DCX: variants seen among roughly 807,000 people sequenced by gnomAD.
The protein encoded by DCX is doublecortin.
Under a neutral mutation model 20.9 loss-of-function variants are expected in DCX, and 4 were observed. The ratio of observed to expected loss-of-function variants is 0.19; its 90% confidence interval spans 0.09 to 0.44. The LOEUF (loss-of-function observed/expected upper bound fraction) is 0.44. DCX is among the 20% of genes least tolerant of loss of function. The probability of loss-of-function intolerance (pLI) is 0.99; values close to 1 mark genes in which losing one functional copy is unlikely to be tolerated. For synonymous variants in DCX, 103 were observed against 111.4 expected (o/e 0.92, Z 0.47); for missense variants, 133 against 296.9 (o/e 0.45, Z 4.06).
intron 3 of DCX, among the ~76,000 whole-genome samples, chrX:111,353,700 A>G (rs1363532862): frequency 2.7e-5 from 3 of 111,509 alleles, no homozygotes; most frequent in African/African-American, 9.8e-5. Flanking sequence ...GTCTTAATTC[A>G]TTCACTTACT....
intron 6 of DCX, among the ~76,000 whole-genome samples, chrX:111,310,873 C>A (rs1171956710): frequency 3.6e-5 from 4 of 112,073 alleles, no homozygotes; most frequent in African/African-American, 1.3e-4. Flanking sequence ...AACAACTCAC[C>A]TTGGTGGGCT....
intron 3 of DCX, among the ~76,000 whole-genome samples, chrX:111,362,018 T>C (rs1924249843): frequency 9.0e-6 from 1 of 111,652 alleles, no homozygotes; most frequent in African/African-American, 3.3e-5. Context: ...ATCAGGATCC[T>C]GGGTCATATG....
intron 3 of DCX, among the ~76,000 whole-genome samples, chrX:111,343,275 C>T (rs888039392): frequency 1.8e-5 from 2 of 109,803 alleles, no homozygotes. Context: ...AAACTATCAT[C>T]AGAGAATACT....
In DCX at chrX:111,301,605, C is replaced by T. The variant is rs1430277373; in HGVS notation, c.*82G>A. The T allele has an allele frequency of 1.0e-6, 1 of 954,133 alleles. No individual in the cohort carries two copies. Among genetic ancestry groups the T allele is most frequent in the Admixed American group, 2.2e-5 (1 of 45,279 alleles). The allele number at this position is 954,133 out of a possible 1,213,427, so 78.6% of individuals were successfully genotyped here. On this transcript the variant is annotated 3_prime_UTR_variant, in exon 7 of 7. Coordinates refer to ENST00000636035, the MANE Select transcript of DCX (RefSeq NM_001195553.2). The stretch of plus-strand genomic sequence containing the variant: ...TAAAAACTTGAAAGCACCAATAGCC[C>T]TGTTGGACACTTGAGCAGAAGTACC...
At chrX:111,357,248 T>A (rs1293564783) in intron 3 of DCX, among the ~76,000 whole-genome samples, 1 of 111,591 alleles carries the variant, frequency 9.0e-6, no homozygotes, top group Non-Finnish European at 1.9e-5. Flanking sequence ...CAAGTTTAGG[T>A]CCATCTAGTC....
Position 111,401,461 on chromosome X carries a change from C to T in DCX, c.365-131G>A, listed in dbSNP as rs1168917661. On this transcript the variant is annotated intron_variant, in intron 2 of 6. Transcript: ENST00000636035. ...TGGTGATACTAACCAACCTTAGGTG[C>T]AATTCCTAATTGGGCTAAAAACTTG... is the stretch of plus-strand genomic sequence containing the variant. The T allele has an allele frequency of 4.4e-5, 25 of 573,847 alleles. No individual in the cohort carries two copies. The East Asian group carries it at 8.9e-4, about 20-fold the overall frequency. The allele number at this position is 573,847 out of a possible 1,213,427, so 47.3% of individuals were successfully genotyped here.
chrX:111,374,254 T>C (rs1161187487), intron 3 of DCX, among the ~76,000 whole-genome samples: 4 of 111,824 alleles, frequency 3.6e-5, no homozygotes, highest in African/African-American at 6.5e-5. Context: ...GGGCATGTTA[T>C]GGTTGGGCTA....
intron 3 of DCX, among the ~76,000 whole-genome samples, chrX:111,358,117 C>T (rs749593953): frequency 4.5e-5 from 5 of 112,104 alleles, no homozygotes; most frequent in African/African-American, 1.6e-4. Flanking sequence ...TGTGAACCAA[C>T]GCGCCCGGCT....
intron 6 of DCX, among the ~76,000 whole-genome samples, chrX:111,305,191 T>A (rs1441340202): frequency 9.0e-6 from 1 of 111,269 alleles, no homozygotes; most frequent in African/African-American, 3.3e-5. Flanking sequence ...AAGAGAATCA[T>A]CCACAGAGAA....
At position 111,342,339 on chromosome X, in the gene DCX, T is replaced by TTATATATATATA. The variant is rs60045433; in HGVS notation, c.706-9198_706-9187dup. ...ACAATTCAACAAGAAGAGCTAACTATTATATATATATATATATATATATAT... is the reference window on the plus strand; with the variant it reads ...ACAATTCAACAAGAAGAGCTAACTATTATATATATATATATATATATATATATATATATATAT... On this transcript the variant is annotated intron_variant, in intron 3 of 6. Transcript: ENST00000636035. Among the ~76,000 whole-genome samples, 113 of 20,723 alleles carry TTATATATATATA rather than the reference T, an allele frequency of 5.5e-3. 6 individuals carry two copies. Among genetic ancestry groups the TTATATATATATA allele is most frequent in the Non-Finnish European group, 5.8e-3 (47 of 8,167 alleles). The allele number at this position is 20,723 out of a possible 115,157, so 18.0% of individuals were successfully genotyped here.
intron 5 of DCX, among the ~76,000 whole-genome samples, chrX:111,318,753 A>G (rs1440977466): frequency 1.8e-5 from 2 of 111,095 alleles, no homozygotes; most frequent in Non-Finnish European, 3.8e-5. Context: ...ATGAGAACAC[A>G]TGGACACAAA....
rs964202737 is a variant in DCX, at chrX:111,294,880, C to T, written c.*6807G>A. 2 of 112,505 alleles carry T rather than the reference C, an allele frequency of 1.8e-5. No individual in the cohort carries two copies. Among genetic ancestry groups the T allele is most frequent in the African/African-American group, 6.5e-5 (2 of 30,893 alleles). The allele number at this position is 112,505 out of a possible 1,213,427, so 9.3% of individuals were successfully genotyped here. ...TTTTGCTACAGGTACTCAATTCTAA[C>T]TACAGCTATAGGGCAGAAAGGGTGG... On this transcript the variant is annotated 3_prime_UTR_variant, in exon 7 of 7. Transcript: ENST00000636035.
rs140086996 is a variant in DCX, at chrX:111,359,434, T to A, written c.706-26281A>T. Among the ~76,000 whole-genome samples, 961 of 111,989 alleles carry A rather than the reference T, an allele frequency of 8.6e-3. 8 individuals are homozygous for A. Among genetic ancestry groups the A allele is most frequent in the African/African-American group, 0.025 (777 of 30,841 alleles). ...TAATAGGAAAAACAATAAGCGTATT[T>A]GAAGAAAATATAGATGAATTTTTTT... On this transcript the variant is annotated intron_variant, in intron 3 of 6. Transcript: ENST00000636035.
At chrX:111,334,936 C>T (rs1431390257) in intron 3 of DCX, among the ~76,000 whole-genome samples, 2 of 112,106 alleles carry the variant, frequency 1.8e-5, no homozygotes, top group African/African-American at 3.2e-5. Flanking sequence ...AGGCATCCTG[C>T]ATATTGTCCT....
At chrX:111,309,731 A>G (rs962866452) in intron 6 of DCX, among the ~76,000 whole-genome samples, 1 of 111,610 alleles carries the variant, frequency 9.0e-6, no homozygotes, top group African/African-American at 3.3e-5. Context: ...TCTATAATAT[A>G]CTGTACTGAG....
intron 3 of DCX, among the ~76,000 whole-genome samples, chrX:111,379,680 G>T (rs142135078): frequency 9.0e-6 from 1 of 111,223 alleles, no homozygotes; most frequent in South Asian, 3.8e-4. Context: ...GAATATCTGC[G>T]TGCAAGGTTT....
chrX:111,351,948 C>T (rs1241444039), intron 3 of DCX, among the ~76,000 whole-genome samples: 1 of 111,750 alleles, frequency 8.9e-6, no homozygotes, highest in Non-Finnish European at 1.9e-5. Flanking sequence ...TGGTCTGGAA[C>T]TCCTGGGCTC....
intron 1 of DCX, chrX:111,410,658 G>C (rs1441906480): frequency 3.8e-5 from 36 of 958,876 alleles, no homozygotes; most frequent in Non-Finnish European, 5.1e-5. Context: ...GGTTGTGGGG[G>C]TTGGGAGTAA....
At position 111,357,488 on chromosome X, in the gene DCX, G is replaced by A. The variant is rs974288240; in HGVS notation, c.706-24335C>T. On this transcript the variant is annotated intron_variant, in intron 3 of 6. Transcript: ENST00000636035. Reference sequence around the variant, plus strand: ...TCTACTTTTAACTGTTTTAAGAATTGGAGTTCTGTCCCAGCACAGGGGCTC... The same window carrying A: ...TCTACTTTTAACTGTTTTAAGAATTAGAGTTCTGTCCCAGCACAGGGGCTC... Among the ~76,000 whole-genome samples, 3 of 111,887 alleles carry A rather than the reference G, an allele frequency of 2.7e-5. No individual in the cohort carries two copies. The Admixed American group carries it at 2.8e-4, about 11-fold the overall frequency.
Sources: allele counts gnomAD v4.1 joint callset (sites outside exome capture counted in the v4.1 genomes callset), GRCh38; gene constraint gnomAD v4.1.1; transcripts MANE v1.5; gene names NCBI Gene and HGNC (gene_info 2026-07-23, HGNC 2026-07-21).